Variants in LARP1B observed in about 807,000 individuals in gnomAD.
LARP1B encodes the protein la-related protein 1B.
In LARP1B, 76 loss-of-function variants were observed where a neutral mutation model predicts 114.2. The observed-to-expected ratio is 0.67, with a 90% CI of 0.55 to 0.81. The LOEUF is 0.81. Ranked by LOEUF, LARP1B falls within the 30% of genes least tolerant of loss-of-function variation. The pLI is 0.00. For synonymous variants in LARP1B, 345 were observed against 348.0 expected (o/e 0.99, Z 0.10); for missense variants, 1,014 against 1,075.8 (o/e 0.94, Z 0.80).
chr4:128,133,326 T>C (rs981498581), intron 11 of LARP1B, among the ~76,000 whole-genome samples: 2 of 152,260 alleles, frequency 1.3e-5, no homozygotes, highest in African/African-American at 2.4e-5. Context: ...TGAATTGTAC[T>C]ACATGTGAAT....
rs571584989 is a variant in LARP1B, at chr4:128,153,551, G to A, written c.1525-8643G>A. On this transcript the variant is annotated intron_variant, in intron 11 of 19. Coordinates refer to ENST00000326639, the MANE Select transcript of LARP1B (RefSeq NM_018078.4). ...GAATTCCTGACCTCGTGATCCATCC[G>A]CCTTGGCCTCCCAAAGTGCTGGAAT... Among the ~76,000 whole-genome samples, 9 of 152,182 alleles carry A rather than the reference G, an allele frequency of 5.9e-5. No individual in the cohort carries two copies. The South Asian group carries it at 1.5e-3, about 25-fold the overall frequency.
At chr4:128,214,070 C>T (rs1759329419), downstream of LARP1B, among the ~76,000 whole-genome samples, 1 of 147,944 alleles carries the variant, frequency 6.8e-6, no homozygotes, top group Non-Finnish European at 1.5e-5. Context: ...GGGTCACTCC[C>T]ACCCGAATAT....
At chr4:128,157,003 C>T (rs1038659846) in intron 11 of LARP1B, among the ~76,000 whole-genome samples, 2 of 150,984 alleles carry the variant, frequency 1.3e-5, no homozygotes, top group Non-Finnish European at 2.9e-5. Flanking sequence ...GTGTCTGATC[C>T]TCAAAAAATA....
chr4:128,098,769 T>TATATATATATATATATATATATG (rs1561201033), intron 8 of LARP1B, among the ~76,000 whole-genome samples: 2 of 14,432 alleles, frequency 1.4e-4, no homozygotes, highest in African/African-American at 5.4e-4. Context: ...ATATATATAT[T>TATATATATATATATATATATATG]TTTTTTTTTT....
rs544233509 is a variant in LARP1B at position 128,181,740 on chromosome 4, T to C, written c.2003+2228T>C. 5.3e-5 allele frequency among the ~76,000 whole-genome samples: 8 copies of C among 152,082 alleles called. No homozygotes were observed. In the South Asian group the frequency reaches 1.7e-3, roughly 32 times the overall value. On this transcript the variant is annotated intron_variant, in intron 15 of 19. Transcript: ENST00000326639. ...ATCTAACAGATGTACTCAATTCATG[T>C]CTCTGTGTCACCTTTTGGTAATTCT...
At chr4:128,175,424 G>C (rs1024890731) in intron 12 of LARP1B, among the ~76,000 whole-genome samples, 1 of 152,074 alleles carries the variant, frequency 6.6e-6, no homozygotes, top group Non-Finnish European at 1.5e-5. Context: ...AGCAGCTATT[G>C]ATGAATATTC....
intron 5 of LARP1B, among the ~76,000 whole-genome samples, chr4:128,083,725 C>G (rs1771875238): frequency 2.0e-5 from 3 of 148,932 alleles, no homozygotes; most frequent in Admixed American, 2.0e-4. Flanking sequence ...CAGAGGGGCT[C>G]CTCACTTCCC....
At chr4:128,095,867 CTGTAGGCCCCATCA>C in intron 7 of LARP1B, among the ~76,000 whole-genome samples, 2 of 152,108 alleles carry the variant, frequency 1.3e-5, no homozygotes, top group African/African-American at 4.8e-5. Context: ...GATTATTAAA[CTGTAGGCCCCATCA>C]TCATTGATGT....
At chr4:128,122,380 C>T in intron 11 of LARP1B, 192 bp downstream of exon 11, 4 of 1,462,116 alleles carry the variant, frequency 2.7e-6, no homozygotes, top group Non-Finnish European at 3.6e-6. Context: ...ATGAAAGTAA[C>T]AGCGTGATGA....
At chr4:128,102,044 T>G (rs1169979218) in intron 8 of LARP1B, among the ~76,000 whole-genome samples, 4 of 152,224 alleles carry the variant, frequency 2.6e-5, no homozygotes, top group Non-Finnish European at 2.9e-5. Context: ...GCTACTGTTA[T>G]GGTTAGCACT....
At chr4:128,160,301 C>A (rs186098353) in intron 11 of LARP1B, among the ~76,000 whole-genome samples, 90 of 152,186 alleles carry the variant, frequency 5.9e-4, no homozygotes, top group Middle Eastern at 3.4e-3. Context: ...ATGAAAGAAA[C>A]CATGTGGTGT....
At chr4:128,090,659 T>G (rs570825784) in intron 5 of LARP1B, among the ~76,000 whole-genome samples, 12 of 152,338 alleles carry the variant, frequency 7.9e-5, no homozygotes, top group African/African-American at 2.4e-4. Context: ...GTGAGAAATG[T>G]TTTTTAGCAG....
chr4:128,075,451 T>C (rs182852824), intron 3 of LARP1B, among the ~76,000 whole-genome samples: 5 of 152,328 alleles, frequency 3.3e-5, no homozygotes, highest in Non-Finnish European at 5.9e-5. Context: ...TTTGCAGTTA[T>C]TCTTCGATGC....
chr4:128,173,427 A>G (rs1413782607), intron 12 of LARP1B, among the ~76,000 whole-genome samples: 2 of 152,196 alleles, frequency 1.3e-5, no homozygotes, highest in African/African-American at 4.8e-5. Context: ...GCCAGTTCTC[A>G]TGTAGCATTT....
At chr4:128,166,949 T>C (rs1441992093) in intron 12 of LARP1B, among the ~76,000 whole-genome samples, 28 of 110,042 alleles carry the variant, frequency 2.5e-4, no homozygotes, top group African/African-American at 9.3e-4. Flanking sequence ...TCTCTCTCTC[T>C]CTCTCTCTCT....
downstream of LARP1B, among the ~76,000 whole-genome samples, chr4:128,212,441 C>G (rs1275917102): frequency 6.6e-6 from 1 of 151,770 alleles, no homozygotes; most frequent in Non-Finnish European, 1.5e-5. Flanking sequence ...ATCAGAAATG[C>G]GAGACCAGCC....
chr4:128,136,066 G>A (rs1356659935), intron 11 of LARP1B, among the ~76,000 whole-genome samples: 2 of 152,062 alleles, frequency 1.3e-5, no homozygotes, highest in Admixed American at 6.5e-5. Flanking sequence ...GCCAAGGTGG[G>A]CAGATCACCT....
intron 3 of LARP1B, 89 bp from the exon 4 acceptor site, chr4:128,077,699 A>G: frequency 1.5e-6 from 2 of 1,334,386 alleles, no homozygotes; most frequent in Non-Finnish European, 2.0e-6. Flanking sequence ...TTGTTTTGCA[A>G]TTTTAGGTTA....
At chr4:128,127,791 G>A (rs941125726) in intron 11 of LARP1B, among the ~76,000 whole-genome samples, 3 of 152,152 alleles carry the variant, frequency 2.0e-5, no homozygotes, top group Non-Finnish European at 2.9e-5. Context: ...CCGAAATTGC[G>A]CCATTGCAAT....
Sources: gnomAD v4.1 joint callset for allele counts (sites outside exome capture counted in the v4.1 genomes callset) on GRCh38, gnomAD v4.1.1 for gene constraint, MANE v1.5 for transcripts, NCBI Gene and HGNC (gene_info 2026-07-23, HGNC 2026-07-21) for gene names.